CHP1: variants seen among roughly 807,000 people sequenced by gnomAD.
The protein encoded by CHP1 is calcineurin like EF-hand protein 1.
Under a neutral mutation model 27.4 loss-of-function variants are expected in CHP1, and 11 were observed. That is an observed-to-expected ratio of 0.40 (90% CI 0.25 to 0.67). The LOEUF is 0.67. CHP1 is among the 30% of genes least tolerant of loss of function. The pLI is 0.38. For missense variants in CHP1, 169 were observed against 251.3 expected (o/e 0.67, Z 2.22); for synonymous variants, 89 against 87.4 (o/e 1.02, Z -0.10).
intron 3 of CHP1, 73 bp from the exon 4 acceptor site, chr15:41,262,683 C>G (rs149574461): frequency 6.3e-7 from 1 of 1,575,012 alleles, no homozygotes; most frequent in Non-Finnish European, 8.7e-7. Context: ...AAAGCTGTTG[C>G]CAGTATATTT....
chr15:41,248,246 T>A (rs1347619436), intron 2 of CHP1, among the ~76,000 whole-genome samples: 1 of 151,888 alleles, frequency 6.6e-6, no homozygotes, highest in Non-Finnish European at 1.5e-5. Context: ...CCTCCTGGGC[T>A]CAGACAGTTC....
At chr15:41,253,335 T>C (rs535358998) in intron 2 of CHP1, among the ~76,000 whole-genome samples, 1 of 149,992 alleles carries the variant, frequency 6.7e-6, no homozygotes, top group Non-Finnish European at 1.5e-5. Context: ...AATCTAAGTT[T>C]TAGAGAAACT....
In CHP1 at chr15:41,268,021, T is replaced by TA. The variant is rs1341308012; in HGVS notation, c.350-2535dup. Among the ~76,000 whole-genome samples, 4 of 151,754 alleles carry TA rather than the reference T, an allele frequency of 2.6e-5. No homozygotes were observed. The East Asian group carries it at 7.8e-4, about 30-fold the overall frequency. ...TTCATTAAACAAATGTTTGAGCACCTACTACATGCCAGGTACTATTTTAGG... is the reference window on the plus strand; with the variant it reads ...TTCATTAAACAAATGTTTGAGCACCTAACTACATGCCAGGTACTATTTTAGG... On this transcript the variant is annotated intron_variant, in intron 4 of 6. Coordinates refer to ENST00000334660, the MANE Select transcript of CHP1 (RefSeq NM_007236.5).
Position 41,279,405 on chromosome 15 carries a change from TC to T in CHP1, c.*18del, listed in dbSNP as rs753900535. On this transcript the variant is annotated 3_prime_UTR_variant, in exon 7 of 7. Transcript: ENST00000334660. ...TCTTCACTAAAGGAGACCAAACTGT[TC>T]CTTGCGGTCTAGTATTTAAGAACTG... 1 of 1,609,256 alleles carries T rather than the reference TC, an allele frequency of 6.2e-7. No homozygotes were observed. The highest frequency in any genetic ancestry group is 2.2e-5 in the East Asian group (1 of 44,866).
intron 5 of CHP1, among the ~76,000 whole-genome samples, chr15:41,275,865 A>G (rs997736475): frequency 6.6e-6 from 1 of 151,948 alleles, no homozygotes; most frequent in African/African-American, 2.4e-5. Context: ...ACAGGTATGC[A>G]CCACCACGCC....
At chr15:41,252,289 C>T (rs2047373333) in intron 2 of CHP1, among the ~76,000 whole-genome samples, 1 of 152,026 alleles carries the variant, frequency 6.6e-6, no homozygotes, top group African/African-American at 2.4e-5. Context: ...CTGCCTCAGC[C>T]TCCCAAGTAG....
At chr15:41,240,018 C>T (rs181974701) in intron 1 of CHP1, among the ~76,000 whole-genome samples, 176 of 151,912 alleles carry the variant, frequency 1.2e-3, no homozygotes, top group African/African-American at 4.1e-3. Flanking sequence ...CCTCGTGATC[C>T]GCCCGCCTCG....
chr15:41,252,926 GGTT>G (rs2047377322), intron 2 of CHP1, among the ~76,000 whole-genome samples: 3 of 109,084 alleles, frequency 2.8e-5, no homozygotes, highest in African/African-American at 1.0e-4. Flanking sequence ...TATTTCACAT[GGTT>G]TTTTTTTTTT....
intron 1 of CHP1, among the ~76,000 whole-genome samples, chr15:41,232,826 A>G (rs994036895): frequency 6.6e-6 from 1 of 152,144 alleles, no homozygotes; most frequent in African/African-American, 2.4e-5. Context: ...ATGGGGAACT[A>G]CAGAATTTTT....
At chr15:41,270,476 C>CTAG (rs2047483095) in intron 4 of CHP1, 81 bp from the exon 5 acceptor site, 1 of 1,024,176 alleles carries the variant, frequency 9.8e-7, no homozygotes, top group Admixed American at 1.8e-5. Flanking sequence ...AGTTTTCTGT[C>CTAG]TAGTGTCTTA....
intron 5 of CHP1, among the ~76,000 whole-genome samples, chr15:41,277,043 C>T (rs953614266): frequency 2.0e-5 from 3 of 152,214 alleles, no homozygotes; most frequent in African/African-American, 7.2e-5. Flanking sequence ...GTCTTCTTAT[C>T]CAGTCACCTA....
At chr15:41,254,737 A>C (rs934326522) in intron 2 of CHP1, among the ~76,000 whole-genome samples, 4 of 152,222 alleles carry the variant, frequency 2.6e-5, no homozygotes, top group Non-Finnish European at 5.9e-5. Flanking sequence ...TTGCTGAGTT[A>C]ATTAAGCACC....
chr15:41,233,941 T>C (rs1053622882), intron 1 of CHP1, among the ~76,000 whole-genome samples: 16 of 152,086 alleles, frequency 1.1e-4, no homozygotes, highest in Admixed American at 3.3e-4. Context: ...AGAGTTGTTT[T>C]TTCTTTTTCT....
chr15:41,255,695 G>A (rs577898594), intron 2 of CHP1, among the ~76,000 whole-genome samples: 2 of 151,752 alleles, frequency 1.3e-5, no homozygotes, highest in African/African-American at 4.8e-5. Context: ...AGAATTTGGG[G>A]GAGAGTAACT....
intron 5 of CHP1, among the ~76,000 whole-genome samples, chr15:41,271,113 G>A (rs188259078): frequency 2.0e-4 from 30 of 151,966 alleles, no homozygotes; most frequent in Admixed American, 6.6e-4. Context: ...AAATTAGCCG[G>A]GTGTGGTGGC....
At chr15:41,264,414 A>C (rs1437346299) in intron 4 of CHP1, among the ~76,000 whole-genome samples, 2 of 152,108 alleles carry the variant, frequency 1.3e-5, no homozygotes, top group African/African-American at 4.8e-5. Context: ...ACAAAGTGCT[A>C]TGCAGGTTAT....
intron 1 of CHP1, among the ~76,000 whole-genome samples, chr15:41,236,760 T>C (rs764288035): frequency 3.9e-5 from 6 of 152,122 alleles, no homozygotes; most frequent in Non-Finnish European, 8.8e-5. Flanking sequence ...CCCTTAAGTA[T>C]TGGGATGGTT....
At chr15:41,249,264 C>A (rs910634627) in intron 2 of CHP1, among the ~76,000 whole-genome samples, 1 of 152,044 alleles carries the variant, frequency 6.6e-6, no homozygotes, top group Non-Finnish European at 1.5e-5. Context: ...ACTGTAGCCT[C>A]CCACCTCAGC....
In CHP1 at chr15:41,256,954, T is replaced by C. The variant is rs1460286334; in HGVS notation, c.185T>C (p.Leu62Pro). 1 of 1,614,120 alleles carries C rather than the reference T, an allele frequency of 6.2e-7. No individual in the cohort carries two copies. The highest frequency in any genetic ancestry group is 8.5e-7 in the Non-Finnish European group (1 of 1,179,986). The stretch of plus-strand genomic sequence containing the variant: ...ATTCCAGAACTTGCCATCAACCCAC[T>C]GGGGGACCGGATCATCAATGCCTTC... ...QRIPELAINP[L>P]GDRIINAFFP... The change falls in exon 3 of 7, where the codon CTG becomes CCG. Residue 62 changes from leucine (L) to proline (P), a missense_variant. Transcript: ENST00000334660.
Sources: allele counts gnomAD v4.1 joint callset (sites outside exome capture counted in the v4.1 genomes callset), GRCh38; gene constraint gnomAD v4.1.1; transcripts MANE v1.5; gene names NCBI Gene and HGNC (gene_info 2026-07-23, HGNC 2026-07-21).